Variants in FRAS1 observed in about 807,000 individuals in gnomAD.
FRAS1 encodes Fraser extracellular matrix complex subunit 1.
FRAS1 carries 290 observed loss-of-function variants against 435.2 expected under a neutral mutation model. The ratio of observed to expected loss-of-function variants is 0.67; its 90% confidence interval spans 0.61 to 0.73. The LOEUF is 0.73. Ranked by LOEUF, FRAS1 falls within the 30% of genes least tolerant of loss-of-function variation. The probability of loss-of-function intolerance (pLI) is 0.00; values close to 1 mark genes in which losing one functional copy is unlikely to be tolerated. For synonymous variants in FRAS1, 1,800 were observed against 1,851.0 expected (o/e 0.97, Z 0.71); for missense variants, 4,860 against 5,001.5 (o/e 0.97, Z 0.85).
chr4:78,276,759 G>A (rs1727062340), intron 9 of FRAS1, among the ~76,000 whole-genome samples: 1 of 152,220 alleles, frequency 6.6e-6, no homozygotes, highest in Non-Finnish European at 1.5e-5. Context: ...CTACTTGGGG[G>A]TCAGGGACCC....
chr4:78,109,451 A>G (rs1323077546), intron 2 of FRAS1, among the ~76,000 whole-genome samples: 1 of 151,958 alleles, frequency 6.6e-6, no homozygotes, highest in African/African-American at 2.4e-5. Flanking sequence ...CAACATACGA[A>G]AATCAATAAA....
chr4:78,385,632 TC>T (rs1370831961), intron 28 of FRAS1, among the ~76,000 whole-genome samples: 2 of 152,162 alleles, frequency 1.3e-5, no homozygotes, highest in African/African-American at 4.8e-5. Flanking sequence ...ATGCCTGTAA[TC>T]CCAGCAATTT....
chr4:78,275,619 C>A (rs766561547), intron 9 of FRAS1, among the ~76,000 whole-genome samples: 5 of 152,166 alleles, frequency 3.3e-5, no homozygotes, highest in Non-Finnish European at 5.9e-5. Context: ...GAATTCTTTT[C>A]TTTAAGAATG....
Position 78,541,720 on chromosome 4 carries a change from T to TTTCA in FRAS1, c.*596_*597insTTCA, listed in dbSNP as rs1722060058. The TTTCA allele has an allele frequency of 6.6e-6, 1 of 152,234 alleles. No homozygotes were observed. The highest frequency in any genetic ancestry group is 2.1e-4 in the South Asian group (1 of 4,830). The allele number at this position is 152,234 out of a possible 1,614,324, so 9.4% of individuals were successfully genotyped here. On this transcript the variant is annotated 3_prime_UTR_variant, in exon 74 of 74. Transcript: ENST00000512123. ...CCCTTTTTACCTGGGGATTTCAGTG[T>TTTCA]GCTTAAGTAAAATCCTCTGAAAACC...
chr4:78,367,540 T>C (rs11934555), intron 22 of FRAS1, among the ~76,000 whole-genome samples: 25,505 of 152,084 alleles, frequency 0.17, 2,741 homozygotes, highest in East Asian at 0.33. Flanking sequence ...GACCTCATTT[T>C]GCAGCTCTAT....
At chr4:78,165,888 G>A (rs999381115) in intron 2 of FRAS1, among the ~76,000 whole-genome samples, 2 of 152,144 alleles carry the variant, frequency 1.3e-5, no homozygotes, top group African/African-American at 4.8e-5. Flanking sequence ...AGGCCTCTTG[G>A]AGCCTGTCAT....
At chr4:78,119,581 A>G (rs1206575625) in intron 2 of FRAS1, among the ~76,000 whole-genome samples, 6 of 152,162 alleles carry the variant, frequency 3.9e-5, no homozygotes, top group Non-Finnish European at 7.4e-5. Context: ...TTCTTTATCC[A>G]TTCAGCTGTT....
Position 78,526,626 on chromosome 4 carries a change from C to A in FRAS1, c.10894C>A (p.Pro3632Thr). Reference protein sequence around the residue: ...TQPWVDPGEKPLACTAHAPER... With the variant: ...TQPWVDPGEKTLACTAHAPER... ...GCCATGGGTTGACCCAGGAGAGAAG[C>A]CTTTGGCCTGCACTGCACATGCCCC... Residue 3632 changes from proline (P) to threonine (T), a missense_variant, in exon 70 of 74, where the codon CCT becomes ACT. Pro to Thr is a conservative substitution (Grantham distance 38, BLOSUM62 -1). Coordinates refer to ENST00000512123, the MANE Select transcript of FRAS1 (RefSeq NM_025074.7). 6.3e-7 allele frequency: 1 copy of A among 1,593,232 alleles called. No individual in the cohort carries two copies. The highest frequency in any genetic ancestry group is 8.5e-7 in the Non-Finnish European group (1 of 1,170,756).
chr4:78,199,190 A>G (rs1024946760), intron 2 of FRAS1, among the ~76,000 whole-genome samples: 3 of 152,228 alleles, frequency 2.0e-5, no homozygotes, highest in Non-Finnish European at 4.4e-5. Flanking sequence ...GTTGAATCTC[A>G]TTCCTCTTGG....
At position 78,369,823 on chromosome 4, in the gene FRAS1, T is replaced by G; in HGVS notation, c.2723-15T>G. On this transcript the variant is annotated splice_polypyrimidine_tract_variant and intron_variant, in intron 22 of 73. Coordinates refer to ENST00000512123, the MANE Select transcript of FRAS1 (RefSeq NM_025074.7). ...ATTGTAATCATCTGGTCATTTTCTT[T>G]TCCTGTCTGCTCAGCATGCAACACA... 6.2e-7 allele frequency: 1 copy of G among 1,603,548 alleles called. No homozygotes were observed. The highest frequency in any genetic ancestry group is 8.5e-7 in the Non-Finnish European group (1 of 1,174,100).
rs189080145 is a variant in FRAS1 at position 78,125,864 on chromosome 4, C to T, written c.108+59848C>T. 5.3e-5 allele frequency among the ~76,000 whole-genome samples: 8 copies of T among 152,286 alleles called. No individual in the cohort carries two copies. In the East Asian group the frequency reaches 1.5e-3, roughly 29 times the overall value. The stretch of plus-strand genomic sequence containing the variant: ...GACCCACTTGAGGAGGCAATCTGCC[C>T]GTTATTGGAGCTTGAATGCCATGCT... On this transcript the variant is annotated intron_variant, in intron 2 of 73. Transcript: ENST00000512123.
At chr4:78,330,328 G>C (rs1043457489) in intron 18 of FRAS1, among the ~76,000 whole-genome samples, 14 of 152,114 alleles carry the variant, frequency 9.2e-5, no homozygotes, top group African/African-American at 3.4e-4. Context: ...TGTTGCCTAA[G>C]GACCCTGTAA....
At chr4:78,215,290 G>A (rs1266491016) in intron 2 of FRAS1, among the ~76,000 whole-genome samples, 1 of 151,940 alleles carries the variant, frequency 6.6e-6, no homozygotes, top group African/African-American at 2.4e-5. Context: ...CTGCCTCCTG[G>A]GTTCAACGAA....
At chr4:78,061,538 A>C (rs28546473) in intron 1 of FRAS1, among the ~76,000 whole-genome samples, 1 of 152,096 alleles carries the variant, frequency 6.6e-6, no homozygotes. Flanking sequence ...GGTTTTTCCT[A>C]TAAATGCTAT....
At chr4:78,167,512 T>G (rs1378440037) in intron 2 of FRAS1, among the ~76,000 whole-genome samples, 1 of 151,612 alleles carries the variant, frequency 6.6e-6, no homozygotes, top group Non-Finnish European at 1.5e-5. Flanking sequence ...CTAATGAGAG[T>G]GATTATCATT....
At chr4:78,494,472 C>G (rs28694126) in intron 59 of FRAS1, among the ~76,000 whole-genome samples, 34,650 of 151,898 alleles carry the variant, frequency 0.23, 4,571 homozygotes, top group African/African-American at 0.36. Flanking sequence ...CATCACATGG[C>G]AAGAGAGGAG....
At chr4:78,488,183 G>A (rs1271876376) in intron 58 of FRAS1, among the ~76,000 whole-genome samples, 1 of 152,200 alleles carries the variant, frequency 6.6e-6, no homozygotes, top group African/African-American at 2.4e-5. Context: ...GGAACCCTCT[G>A]GCCAAATTTA....
At chr4:78,092,868 C>T (rs1202795655) in intron 2 of FRAS1, among the ~76,000 whole-genome samples, 2 of 152,200 alleles carry the variant, frequency 1.3e-5, no homozygotes, top group Non-Finnish European at 2.9e-5. Context: ...CAAATCCTCA[C>T]AAAGCTAGCA....
intron 47 of FRAS1, among the ~76,000 whole-genome samples, chr4:78,453,737 C>T (rs1054976418): frequency 1.4e-4 from 15 of 107,964 alleles, no homozygotes; most frequent in African/African-American, 2.4e-4. Context: ...GATTTGAGGC[C>T]GCAGTGATCT....
Sources: gnomAD v4.1 joint callset for allele counts (sites outside exome capture counted in the v4.1 genomes callset) on GRCh38, gnomAD v4.1.1 for gene constraint, MANE v1.5 for transcripts, NCBI Gene and HGNC (gene_info 2026-07-23, HGNC 2026-07-21) for gene names.